PKD2L2: variants seen among roughly 807,000 people sequenced by gnomAD.
The protein encoded by PKD2L2 is polycystin 2 like 2, transient receptor potential cation channel.
PKD2L2 carries 67 observed loss-of-function variants against 83.9 expected under a neutral mutation model. The observed-to-expected ratio is 0.80, with a 90% confidence interval of 0.66 to 0.98. The LOEUF is 0.98. Ranked by LOEUF, PKD2L2 falls within the 50% of genes least tolerant of loss-of-function variation. PKD2L2 has a pLI of 0.00. For missense variants in PKD2L2, 632 were observed against 717.2 expected (o/e 0.88, Z 1.36); for synonymous variants, 223 against 237.8 (o/e 0.94, Z 0.57).
At chr5:137,908,529 TGCAGTGAGCCGA>T (rs1400439234) in intron 7 of PKD2L2, among the ~76,000 whole-genome samples, 1 of 151,404 alleles carries the variant, frequency 6.6e-6, no homozygotes, top group Non-Finnish European at 1.5e-5. Flanking sequence ...GGGCAGAGGT[TGCAGTGAGCCGA>T]GATCATGCCA....
intron 2 of PKD2L2, among the ~76,000 whole-genome samples, chr5:137,890,992 A>C (rs1472143532): frequency 6.6e-6 from 1 of 152,224 alleles, no homozygotes; most frequent in African/African-American, 2.4e-5. Context: ...GGTGTCTGCC[A>C]TTAGCTTGGT....
intron 2 of PKD2L2, among the ~76,000 whole-genome samples, chr5:137,891,424 C>T (rs536159774): frequency 1.9e-4 from 29 of 150,234 alleles, no homozygotes; most frequent in African/African-American, 6.4e-4. Context: ...GTGATTGCAA[C>T]GACTGCACTT....
Position 137,921,690 on chromosome 5 carries a change from A to G in PKD2L2, c.1383A>G (p.Gln461=), listed in dbSNP as rs1321814946. 4 of 1,607,254 alleles carry G rather than the reference A, an allele frequency of 2.5e-6. No individual in the cohort carries two copies. In the East Asian group the frequency reaches 8.9e-5, roughly 36 times the overall value. ...ATTTTAATTTTGCTGGTATTCAGCA[A>G]GCCAATCCTATCTTGGGACCCATTT... ...LGDFNFAGIQ[Q]ANPILGPIYF... is the part of the protein sequence containing the mutation. Residue 461 remains glutamine (Q), a synonymous_variant, in exon 9 of 15, where the codon CAA becomes CAG. Transcript: ENST00000508883.
At chr5:137,936,914 C>A (rs1302906473) in intron 14 of PKD2L2, among the ~76,000 whole-genome samples, 1 of 152,198 alleles carries the variant, frequency 6.6e-6, no homozygotes, top group Non-Finnish European at 1.5e-5. Flanking sequence ...TTATGACAAG[C>A]CTCCAGTATA....
chr5:137,927,582 T>C (rs1759482176), intron 12 of PKD2L2, among the ~76,000 whole-genome samples: 1 of 152,228 alleles, frequency 6.6e-6, no homozygotes, highest in Admixed American at 6.5e-5. Context: ...TGAATATTAA[T>C]TTTTTATTCT....
chr5:137,915,342 A>G (rs1306109142), intron 8 of PKD2L2, among the ~76,000 whole-genome samples: 1 of 152,114 alleles, frequency 6.6e-6, no homozygotes, highest in African/African-American at 2.4e-5. Context: ...TGTTTGTAGA[A>G]TTTACCAGTG....
At chr5:137,914,104 G>T (rs1174713493) in intron 8 of PKD2L2, among the ~76,000 whole-genome samples, 1 of 126,322 alleles carries the variant, frequency 7.9e-6, no homozygotes, top group Non-Finnish European at 1.6e-5. Context: ...TTGCCAGGCT[G>T]GTCACGAACT....
intron 10 of PKD2L2, among the ~76,000 whole-genome samples, chr5:137,924,467 C>CTG (rs1182953183): frequency 1.3e-5 from 2 of 151,780 alleles, no homozygotes; most frequent in African/African-American, 4.8e-5. Context: ...CTGTCCTGTC[C>CTG]TCTTCTCAGT....
chr5:137,892,412 A>G, intron 2 of PKD2L2, 68 bp from the exon 3 acceptor site: 1 of 827,846 alleles, frequency 1.2e-6, no homozygotes, highest in Non-Finnish European at 1.7e-6. Context: ...AAAAAAATGT[A>G]ACATTTTTAA....
chr5:137,938,057 T>C (rs1337767699), intron 14 of PKD2L2: 1 of 152,198 alleles, frequency 6.6e-6, no homozygotes, highest in East Asian at 1.9e-4. Flanking sequence ...CTATATATTA[T>C]TTGTATATAG....
chr5:137,925,117 C>T lies in PKD2L2; in HGVS notation c.1616+13C>T. ...AAGACAAGAAAACGTAAGATGACTT[C>T]TCTCAAATGTTTAACTTACCATTTT... is the stretch of plus-strand genomic sequence containing the variant. On this transcript the variant is annotated intron_variant, in intron 11 of 14. Transcript: ENST00000508883. 6.6e-7 allele frequency: 1 copy of T among 1,515,784 alleles called. No homozygotes were observed. The highest frequency in any genetic ancestry group is 9.2e-7 in the Non-Finnish European group (1 of 1,091,446). 93.9% of individuals were successfully genotyped at this position (1,515,784 alleles called of 1,614,324 possible).
At chr5:137,911,393 T>G (rs114405876) in intron 8 of PKD2L2, among the ~76,000 whole-genome samples, 1,729 of 152,336 alleles carry the variant, frequency 0.011, 27 homozygotes, top group African/African-American at 0.04. Context: ...TTGGGTTGGT[T>G]CCACATTTTA....
intron 8 of PKD2L2, among the ~76,000 whole-genome samples, chr5:137,911,060 C>CT (rs1168598208): frequency 6.6e-6 from 1 of 152,206 alleles, no homozygotes; most frequent in Non-Finnish European, 1.5e-5. Context: ...TCACCACCAT[C>CT]TATCTCCAAA....
In PKD2L2 at chr5:137,892,577, C is replaced by CT; in HGVS notation, c.234dup (p.Lys79Ter). 6.2e-7 allele frequency: 1 copy of CT among 1,612,058 alleles called. No homozygotes were observed. The highest frequency in any genetic ancestry group is 8.5e-7 in the Non-Finnish European group (1 of 1,179,298). On this transcript the variant is annotated frameshift_variant, in exon 3 of 15. Transcript: ENST00000508883. LOFTEE classifies it high-confidence loss of function. ...CTGTGCCTGGTGAAGAAAGAACCAACTTTAAGTCCATTCGCAGCATAACTG... is the reference window on the plus strand; with the variant it reads ...CTGTGCCTGGTGAAGAAAGAACCAACTTTTAAGTCCATTCGCAGCATAACTG...
intron 12 of PKD2L2, among the ~76,000 whole-genome samples, chr5:137,930,143 G>A (rs547216266): frequency 2.0e-5 from 3 of 151,902 alleles, no homozygotes; most frequent in Admixed American, 6.6e-5. Flanking sequence ...TAAGATGATC[G>A]TACAGTTGTA....
At chr5:137,891,759 C>T (rs1225752113) in intron 2 of PKD2L2, among the ~76,000 whole-genome samples, 1 of 151,876 alleles carries the variant, frequency 6.6e-6, no homozygotes, top group African/African-American at 2.4e-5. Flanking sequence ...CAGTGGCTCA[C>T]TGCAACCTCC....
intron 2 of PKD2L2, among the ~76,000 whole-genome samples, chr5:137,892,253 T>A (rs1357615306): frequency 1.3e-5 from 2 of 152,232 alleles, no homozygotes; most frequent in Non-Finnish European, 2.9e-5. Flanking sequence ...ATTATTTTCT[T>A]TATAAATGTG....
intron 8 of PKD2L2, among the ~76,000 whole-genome samples, chr5:137,910,666 G>A (rs1757756582): frequency 6.6e-6 from 1 of 151,780 alleles, no homozygotes; most frequent in African/African-American, 2.4e-5. Context: ...TGTAATCCCA[G>A]CTACTCAGGA....
In PKD2L2 at chr5:137,908,895, T is replaced by C; in HGVS notation, c.1277T>C (p.Phe426Ser). The C allele has an allele frequency of 3.7e-6, 6 of 1,610,220 alleles. No individual in the cohort carries two copies. Among genetic ancestry groups the C allele is most frequent in the Non-Finnish European group, 5.1e-6 (6 of 1,177,422 alleles). ...IIFFAYAQLG[F>S]LVFGSQVDDF... ...TTCTTTGCTTATGCCCAGTTAGGAT[T>C]TCTTGTTTTTGGATCACAAGTTGAT... The change falls in exon 8 of 15, where the codon TTT becomes TCT. Residue 426 changes from phenylalanine (F) to serine (S), a missense_variant. Physicochemically the swap from Phe to Ser is radical, Grantham distance 155 (BLOSUM62 -2). This residue lies in a region of PKD2L2 where 399 missense variants were observed against 416.9 expected (regional missense o/e 0.96). Transcript: ENST00000508883.
Sources: gnomAD v4.1 joint callset for allele counts (sites outside exome capture counted in the v4.1 genomes callset) on GRCh38, gnomAD v4.1.1 for gene constraint, gnomAD v4.1.1 regional missense constraint, MANE v1.5 for transcripts, NCBI Gene and HGNC (gene_info 2026-07-23, HGNC 2026-07-21) for gene names.